TBC1D22A: variants seen among roughly 807,000 people sequenced by gnomAD.
The protein encoded by TBC1D22A is TBC1 domain family member 22A.
In TBC1D22A, 38 loss-of-function variants were observed where a neutral mutation model predicts 60.2. The observed-to-expected ratio is 0.63, with a 90% CI of 0.49 to 0.83. The LOEUF is 0.83. Among genes scored for constraint, TBC1D22A ranks in the 40% least tolerant of loss-of-function variants. TBC1D22A has a pLI of 0.00. For missense variants in TBC1D22A, 628 were observed against 701.0 expected, an observed-to-expected ratio of 0.90 and a Z score of 1.18; for synonymous variants, 302 against 281.7, an observed-to-expected ratio of 1.07 and a Z score of -0.72.
intron 11 of TBC1D22A, among the ~76,000 whole-genome samples, chr22:47,095,155 A>G (rs980520375): frequency 6.6e-6 from 1 of 152,258 alleles, no homozygotes; most frequent in Admixed American, 6.5e-5. Context: ...TGTGAAACAC[A>G]GTGGTCTGGT....
chr22:47,171,794 C>T (rs1363408529), intron 12 of TBC1D22A, among the ~76,000 whole-genome samples: 1 of 152,212 alleles, frequency 6.6e-6, no homozygotes, highest in South Asian at 2.1e-4. Flanking sequence ...CCCGTTGTGG[C>T]CTCAGTGGAC....
chr22:46,918,731 C>G (rs1460871661), intron 8 of TBC1D22A, among the ~76,000 whole-genome samples: 1 of 152,226 alleles, frequency 6.6e-6, no homozygotes, highest in African/African-American at 2.4e-5. Flanking sequence ...GTCACATCAG[C>G]TCCCTGCCCT....
chr22:47,062,802 C>A lies in TBC1D22A; in HGVS notation c.1329+25604C>A, dbSNP rs529388895. On this transcript the variant is annotated intron_variant, in intron 11 of 12. Coordinates refer to ENST00000337137, the MANE Select transcript of TBC1D22A (RefSeq NM_014346.5). ...GGGTGACTTGTTTAATCCAGATGAACCTGCAGGCTGCCCAGGTTATCTATG... is the reference window on the plus strand; with the variant it reads ...GGGTGACTTGTTTAATCCAGATGAAACTGCAGGCTGCCCAGGTTATCTATG... Among the ~76,000 whole-genome samples, 20 of 152,244 alleles carry A rather than the reference C, an allele frequency of 1.3e-4. No individual in the cohort carries two copies. In the South Asian group the frequency reaches 3.1e-3, roughly 24 times the overall value.
At chr22:47,005,668 A>G (rs550757317) in intron 10 of TBC1D22A, among the ~76,000 whole-genome samples, 2 of 150,616 alleles carry the variant, frequency 1.3e-5, no homozygotes, top group South Asian at 4.2e-4. Context: ...ACACACACCC[A>G]TATACATATA....
At position 46,943,705 on chromosome 22, in the gene TBC1D22A, C is replaced by T. The variant is rs573035553; in HGVS notation, c.1016-30585C>T. Among the ~76,000 whole-genome samples, 9 of 152,340 alleles carry T rather than the reference C, an allele frequency of 5.9e-5. No individual in the cohort carries two copies. In the South Asian group the frequency reaches 1.0e-3, roughly 18 times the overall value. The stretch of plus-strand genomic sequence containing the variant: ...GATGAAACCCTGGTCCCTCCAGCAG[C>T]CACATGACCTTTCCTCAGCCCCTGG... On this transcript the variant is annotated intron_variant, in intron 8 of 12. Coordinates refer to ENST00000337137, the MANE Select transcript of TBC1D22A (RefSeq NM_014346.5).
At chr22:47,114,444 A>C (rs1182289320) in intron 12 of TBC1D22A, among the ~76,000 whole-genome samples, 1 of 151,864 alleles carries the variant, frequency 6.6e-6, no homozygotes, top group African/African-American at 2.4e-5. Context: ...GAATGCTGTG[A>C]GTGAGGGGTT....
chr22:46,905,340 T>A (rs1234011574), intron 7 of TBC1D22A, among the ~76,000 whole-genome samples: 1 of 152,198 alleles, frequency 6.6e-6, no homozygotes, highest in Non-Finnish European at 1.5e-5. Context: ...CTCTGTCCTT[T>A]CTGATGGAGA....
At chr22:47,054,254 A>G (rs548957857) in intron 11 of TBC1D22A, among the ~76,000 whole-genome samples, 59 of 152,202 alleles carry the variant, frequency 3.9e-4, no homozygotes, top group Non-Finnish European at 6.9e-4. Context: ...CACGTGGTGG[A>G]TCCTGAAGTC....
At chr22:47,046,343 G>A (rs117690182) in intron 11 of TBC1D22A, among the ~76,000 whole-genome samples, 461 of 152,232 alleles carry the variant, frequency 3.0e-3, no homozygotes, top group Non-Finnish European at 5.0e-3. Flanking sequence ...AGGTCCTGTC[G>A]CTTCCCTAGA....
Position 46,974,324 on chromosome 22 carries a change from C to A in TBC1D22A, c.1050C>A (p.Gly350=). ...AGGTGGACACGGTGGACGTCTCCGG[C>A]GTGCCCGCAGAGGTGCTGTGCAACA... is the stretch of plus-strand genomic sequence containing the variant. ...AEEVDTVDVS[G]VPAEVLCNIE... The change falls in exon 9 of 13, where the codon GGC becomes GGA. Residue 350 remains glycine (G), a synonymous_variant. Transcript: ENST00000337137. The A allele has an allele frequency of 6.2e-7, 1 of 1,605,224 alleles. No homozygotes were observed. The highest frequency in any genetic ancestry group is 8.5e-7 in the Non-Finnish European group (1 of 1,176,142).
At chr22:47,058,828 A>G (rs2063481165) in intron 11 of TBC1D22A, among the ~76,000 whole-genome samples, 1 of 152,122 alleles carries the variant, frequency 6.6e-6, no homozygotes, top group East Asian at 1.9e-4. Context: ...ATAAGGTGGC[A>G]TAAGTGAAAT....
intron 1 of TBC1D22A, among the ~76,000 whole-genome samples, chr22:46,766,005 G>GTGTGTA (rs1360344195): frequency 2.9e-5 from 4 of 138,340 alleles, no homozygotes; most frequent in Admixed American, 7.2e-5. Flanking sequence ...GTGTGTGTGT[G>GTGTGTA]TATTTTTTTT....
chr22:47,113,575 C>T (rs1197901374), intron 12 of TBC1D22A, among the ~76,000 whole-genome samples: 1 of 152,194 alleles, frequency 6.6e-6, no homozygotes, highest in Admixed American at 6.5e-5. Flanking sequence ...AGGAATGGAC[C>T]CTGAGCACAT....
intron 12 of TBC1D22A, among the ~76,000 whole-genome samples, chr22:47,132,281 C>T (rs1386562962): frequency 3.3e-5 from 5 of 152,300 alleles, no homozygotes; most frequent in African/African-American, 9.6e-5. Context: ...CTTCTGGCCC[C>T]GTGCCACCCC....
At chr22:47,131,105 C>G (rs1466315420) in intron 12 of TBC1D22A, among the ~76,000 whole-genome samples, 1 of 152,210 alleles carries the variant, frequency 6.6e-6, no homozygotes, top group Non-Finnish European at 1.5e-5. Context: ...CAAGAGCTCA[C>G]TCACTACCAC....
chr22:46,899,180 C>T (rs2068844376), intron 7 of TBC1D22A, among the ~76,000 whole-genome samples: 1 of 152,026 alleles, frequency 6.6e-6, no homozygotes. Flanking sequence ...GGCGTGGTGG[C>T]TCACACCTGT....
intron 11 of TBC1D22A, among the ~76,000 whole-genome samples, chr22:47,079,996 C>T (rs2064394487): frequency 1.3e-5 from 2 of 152,128 alleles, no homozygotes; most frequent in Admixed American, 6.5e-5. Context: ...ATTAGGGAGA[C>T]TGCAAGACAT....
chr22:46,872,565 C>A (rs2067341063), intron 4 of TBC1D22A, among the ~76,000 whole-genome samples: 1 of 152,164 alleles, frequency 6.6e-6, no homozygotes, highest in Non-Finnish European at 1.5e-5. Flanking sequence ...AGGGCTGTGA[C>A]CCTGTGAGAT....
At chr22:46,867,221 T>C (rs967248249) in intron 4 of TBC1D22A, among the ~76,000 whole-genome samples, 18 of 152,196 alleles carry the variant, frequency 1.2e-4, no homozygotes, top group African/African-American at 4.3e-4. Context: ...TGGCATGGGT[T>C]TGGAAGGTTG....
Sources: allele counts gnomAD v4.1 joint callset (sites outside exome capture counted in the v4.1 genomes callset), GRCh38; gene constraint gnomAD v4.1.1; transcripts MANE v1.5; gene names NCBI Gene and HGNC (gene_info 2026-07-23, HGNC 2026-07-21).